UNC13C: variants seen among roughly 807,000 people sequenced by gnomAD.
UNC13C encodes unc-13 homolog C.
In UNC13C, 174 loss-of-function variants were observed where a neutral mutation model predicts 245.4. The observed-to-expected ratio is 0.71, with a 90% CI of 0.63 to 0.80. The LOEUF is 0.80. Among genes scored for constraint, UNC13C ranks in the 30% least tolerant of loss-of-function variants. The probability of loss-of-function intolerance (pLI) is 0.00; values close to 1 mark genes in which losing one functional copy is unlikely to be tolerated. For synonymous variants in UNC13C, 992 were observed against 895.1 expected, an observed-to-expected ratio of 1.11 and a Z score of -1.93; for missense variants, 2,829 against 2,602.9, an observed-to-expected ratio of 1.09 and a Z score of -1.89.
At chr15:54,407,423 A>G (rs2040317886) in intron 18 of UNC13C, among the ~76,000 whole-genome samples, 1 of 152,210 alleles carries the variant, frequency 6.6e-6, no homozygotes, top group Admixed American at 6.5e-5. Context: ...TAGTATTGCC[A>G]TTAATTTAAC....
At chr15:54,430,996 T>G (rs1229279418) in intron 19 of UNC13C, among the ~76,000 whole-genome samples, 1 of 151,758 alleles carries the variant, frequency 6.6e-6, no homozygotes, top group Non-Finnish European at 1.5e-5. Context: ...CAGAAGATGG[T>G]ACACCCAAAG....
chr15:54,511,575 T>C (rs1167621184), intron 23 of UNC13C, among the ~76,000 whole-genome samples, 178 bp from the exon 24 acceptor site: 6 of 152,178 alleles, frequency 3.9e-5, no homozygotes, highest in Non-Finnish European at 8.8e-5. Context: ...TGGCATTATG[T>C]TTCTCTGTTT....
At chr15:54,381,799 G>T (rs1338842283) in intron 17 of UNC13C, among the ~76,000 whole-genome samples, 2 of 151,838 alleles carry the variant, frequency 1.3e-5, no homozygotes, top group African/African-American at 4.8e-5. Context: ...CTTCAACACA[G>T]TAATAATGGA....
At chr15:53,989,306 C>T (rs1051729020) in intron 1 of UNC13C, among the ~76,000 whole-genome samples, 6 of 150,748 alleles carry the variant, frequency 4.0e-5, no homozygotes, top group African/African-American at 1.2e-4. Flanking sequence ...TCAACAAAAT[C>T]TGATTAACAA....
At chr15:54,178,205 T>C (rs2033679776) in intron 4 of UNC13C, among the ~76,000 whole-genome samples, 2 of 152,130 alleles carry the variant, frequency 1.3e-5, no homozygotes, top group South Asian at 2.1e-4. Flanking sequence ...AAGTTGATGA[T>C]GTAAAACCAT....
the UNC13C span, among the ~76,000 whole-genome samples, chr15:53,866,762 C>T: frequency 1.3e-5 from 2 of 152,166 alleles, no homozygotes; most frequent in South Asian, 4.1e-4. Flanking sequence ...ACAACTCATT[C>T]TATGAAAGTG....
intron 2 of UNC13C, among the ~76,000 whole-genome samples, chr15:54,029,303 T>C (rs150591959): frequency 4.6e-5 from 7 of 152,314 alleles, no homozygotes; most frequent in African/African-American, 1.7e-4. Context: ...AATAAGTCAA[T>C]CAACATTTAT....
At chr15:53,914,189 C>A in the UNC13C span, 1 of 147,798 alleles carries the variant, frequency 6.8e-6, no homozygotes, top group Non-Finnish European at 1.5e-5. Context: ...CCTATGTTTC[C>A]CTCAGCCTAG....
the UNC13C span, among the ~76,000 whole-genome samples, chr15:53,848,267 G>T: frequency 6.6e-6 from 1 of 151,086 alleles, no homozygotes; most frequent in South Asian, 2.1e-4. Flanking sequence ...ATTTTTATAG[G>T]GTCTTTTAGT....
intron 1 of UNC13C, among the ~76,000 whole-genome samples, chr15:54,009,832 G>C (rs1442622720): frequency 6.6e-6 from 1 of 152,106 alleles, no homozygotes; most frequent in Non-Finnish European, 1.5e-5. Context: ...TGACCACACA[G>C]CTAGTGTATC....
the UNC13C span, among the ~76,000 whole-genome samples, chr15:53,843,152 A>G: frequency 6.6e-6 from 1 of 152,128 alleles, no homozygotes; most frequent in Non-Finnish European, 1.5e-5. Context: ...TTTGGTAAAT[A>G]TAATTCACTT....
At chr15:54,053,219 A>T (rs1054183845) in intron 2 of UNC13C, among the ~76,000 whole-genome samples, 14 of 151,908 alleles carry the variant, frequency 9.2e-5, no homozygotes, top group Admixed American at 3.3e-4. Context: ...TTTAGTAGAC[A>T]TCTGGTTTCA....
chr15:54,280,040 G>C (rs1227177633), intron 10 of UNC13C, among the ~76,000 whole-genome samples: 1 of 152,124 alleles, frequency 6.6e-6, no homozygotes, highest in Non-Finnish European at 1.5e-5. Context: ...TTAGTAATGT[G>C]TGTGTATACA....
chr15:54,038,118 A>ATTTTTTTTTTTTT (rs1297641805), intron 2 of UNC13C, among the ~76,000 whole-genome samples: 40 of 28,776 alleles, frequency 1.4e-3, no homozygotes, highest in African/African-American at 4.4e-3. Context: ...ATATATATAT[A>ATTTTTTTTTTTTT]TATATATTTT....
intron 30 of UNC13C, among the ~76,000 whole-genome samples, chr15:54,613,258 C>T (rs1390721276): frequency 1.3e-5 from 2 of 151,630 alleles, no homozygotes; most frequent in East Asian, 3.9e-4. Flanking sequence ...ATAAAACCTC[C>T]AAAAGATTTT....
the UNC13C span, among the ~76,000 whole-genome samples, chr15:53,924,326 A>G: frequency 2.0e-5 from 3 of 152,250 alleles, no homozygotes; most frequent in Admixed American, 2.0e-4. Flanking sequence ...GTGACCTTGC[A>G]GAAACCTCGT....
the UNC13C span, among the ~76,000 whole-genome samples, chr15:53,896,251 T>TA: frequency 2.6e-5 from 4 of 151,734 alleles, no homozygotes; most frequent in African/African-American, 7.3e-5. Flanking sequence ...GTAAGAAATG[T>TA]AAAAAAAATA....
At chr15:54,306,686 A>G (rs909471169) in intron 13 of UNC13C, among the ~76,000 whole-genome samples, 1 of 151,990 alleles carries the variant, frequency 6.6e-6, no homozygotes, top group African/African-American at 2.4e-5. Flanking sequence ...TTGTAACATG[A>G]AGGCTAAGAT....
intron 2 of UNC13C, among the ~76,000 whole-genome samples, chr15:54,127,948 G>A (rs1237180352): frequency 6.6e-6 from 1 of 151,546 alleles, no homozygotes. Flanking sequence ...GGAAATGAAA[G>A]GCATCTAAAT....
Sources: gnomAD v4.1 joint callset for allele counts (sites outside exome capture counted in the v4.1 genomes callset) on GRCh38, gnomAD v4.1.1 for gene constraint, MANE v1.5 for transcripts, NCBI Gene and HGNC (gene_info 2026-07-23, HGNC 2026-07-21) for gene names.